The following KCNK2 variants were observed in gnomAD, a reference collection of about 807,000 sequenced individuals.
The protein encoded by KCNK2 is potassium channel subfamily K member 2.
KCNK2 carries 21 observed loss-of-function variants against 40.5 expected under a neutral mutation model. The ratio of observed to expected loss-of-function variants is 0.52; its 90% CI spans 0.37 to 0.75. The LOEUF is 0.75. Among genes scored for constraint, KCNK2 ranks in the 30% least tolerant of loss-of-function variants. KCNK2 has a pLI of 0.00. For synonymous variants in KCNK2, 191 were observed against 202.2 expected, an observed-to-expected ratio of 0.94 and a Z score of 0.47; for missense variants, 399 against 531.6, an observed-to-expected ratio of 0.75 and a Z score of 2.45.
chr1:215,098,430 C>T (rs6703032), intron 2 of KCNK2, among the ~76,000 whole-genome samples: 12,063 of 151,856 alleles, frequency 0.079, 539 homozygotes, highest in Middle Eastern at 0.14. Context: ...TTAGTTTTCA[C>T]GTGACAAGGA....
At chr1:215,197,354 T>A (rs937559760) in intron 6 of KCNK2, among the ~76,000 whole-genome samples, 1 of 152,156 alleles carries the variant, frequency 6.6e-6, no homozygotes, top group African/African-American at 2.4e-5. Context: ...AAGAAGGTGC[T>A]AGCAGGGTTG....
chr1:215,230,054 CAGAT>C (rs1666561941), intron 6 of KCNK2, among the ~76,000 whole-genome samples: 1 of 141,236 alleles, frequency 7.1e-6, no homozygotes, highest in Admixed American at 7.1e-5. Flanking sequence ...TATATACACA[CAGAT>C]ATATATATAG....
At chr1:215,148,247 T>C (rs1662523388) in intron 3 of KCNK2, among the ~76,000 whole-genome samples, 1 of 148,990 alleles carries the variant, frequency 6.7e-6, no homozygotes, top group South Asian at 2.1e-4. Context: ...ACCTGGCTAA[T>C]TTTTTTTTTC....
intron 1 of KCNK2, among the ~76,000 whole-genome samples, chr1:215,058,551 C>A (rs1027592767): frequency 1.3e-5 from 2 of 152,146 alleles, no homozygotes; most frequent in Non-Finnish European, 2.9e-5. Flanking sequence ...CTATAACGAC[C>A]TTTGTTTCCA....
intron 1 of KCNK2, among the ~76,000 whole-genome samples, chr1:215,064,331 TTG>T (rs377211894): frequency 5.3e-5 from 8 of 151,542 alleles, no homozygotes; most frequent in Middle Eastern, 6.8e-3. Flanking sequence ...GTGTTTTTGT[TTG>T]TGTGTGTGTG....
At chr1:215,171,244 T>C (rs1322603327) in intron 4 of KCNK2, among the ~76,000 whole-genome samples, 5 of 152,148 alleles carry the variant, frequency 3.3e-5, no homozygotes, top group Non-Finnish European at 7.4e-5. Flanking sequence ...CATTACACTA[T>C]AGAGATTTTT....
At chr1:215,028,388 A>G (rs1657070158) in intron 1 of KCNK2, among the ~76,000 whole-genome samples, 1 of 152,118 alleles carries the variant, frequency 6.6e-6, no homozygotes, top group South Asian at 2.1e-4. Flanking sequence ...TCCATCTCAA[A>G]AAATAAAATA....
At chr1:215,118,508 T>C (rs1211753189) in intron 2 of KCNK2, among the ~76,000 whole-genome samples, 1 of 152,176 alleles carries the variant, frequency 6.6e-6, no homozygotes, top group African/African-American at 2.4e-5. Flanking sequence ...GGATTCGTTA[T>C]CTAAAGACTA....
At chr1:215,091,283 G>T (rs1194456922) in intron 2 of KCNK2, among the ~76,000 whole-genome samples, 1 of 152,020 alleles carries the variant, frequency 6.6e-6, no homozygotes, top group African/African-American at 2.4e-5. Context: ...TGGGTGTGAG[G>T]GGCAGGGGCA....
chr1:215,137,650 T>C (rs1370901314), intron 3 of KCNK2, among the ~76,000 whole-genome samples: 5 of 152,234 alleles, frequency 3.3e-5, no homozygotes, highest in African/African-American at 1.2e-4. Context: ...TTTTCCGAGT[T>C]ATTTACTTCC....
At chr1:215,162,018 G>A (rs1663221039) in intron 3 of KCNK2, among the ~76,000 whole-genome samples, 1 of 152,158 alleles carries the variant, frequency 6.6e-6, no homozygotes, top group South Asian at 2.1e-4. Context: ...TTCCACGATG[G>A]TTGAACTAAT....
chr1:215,097,503 ATT>A (rs58919225), intron 2 of KCNK2, among the ~76,000 whole-genome samples: 1 of 151,292 alleles, frequency 6.6e-6, no homozygotes, highest in East Asian at 2.0e-4. Flanking sequence ...ATAAAGAAAA[ATT>A]TTTTTTTGGC....
chr1:215,084,188 A>G (rs1196922607), intron 1 of KCNK2, among the ~76,000 whole-genome samples: 3 of 113,654 alleles, frequency 2.6e-5, no homozygotes, highest in Non-Finnish European at 5.2e-5. Context: ...TAATGCACAC[A>G]CACACACACA....
chr1:215,176,774 T>C (rs1242312983), intron 5 of KCNK2, among the ~76,000 whole-genome samples: 1 of 152,192 alleles, frequency 6.6e-6, no homozygotes, highest in African/African-American at 2.4e-5. Flanking sequence ...GTCTTTGCTA[T>C]TGTGAATAGT....
chr1:215,056,265 G>A (rs1246098418), intron 1 of KCNK2, among the ~76,000 whole-genome samples: 3 of 138,080 alleles, frequency 2.2e-5, no homozygotes, highest in Non-Finnish European at 3.0e-5. Flanking sequence ...CCGAGATCGC[G>A]CCATTGCACT....
At chr1:215,067,211 A>G (rs187365053) in intron 1 of KCNK2, among the ~76,000 whole-genome samples, 1 of 152,318 alleles carries the variant, frequency 6.6e-6, no homozygotes, top group East Asian at 1.9e-4. Flanking sequence ...GTACTTTGAA[A>G]TATTTACTAA....
intron 1 of KCNK2, among the ~76,000 whole-genome samples, chr1:215,019,188 A>G (rs935416115): frequency 3.3e-5 from 5 of 152,192 alleles, no homozygotes; most frequent in African/African-American, 1.2e-4. Context: ...GGTCCTCTTC[A>G]AAGAACAGCT....
At chr1:215,043,991 G>A (rs1416170538) in intron 1 of KCNK2, among the ~76,000 whole-genome samples, 1 of 151,852 alleles carries the variant, frequency 6.6e-6, no homozygotes, top group Non-Finnish European at 1.5e-5. Context: ...ATCTCCAAAA[G>A]ATATAGAAAA....
intron 2 of KCNK2, among the ~76,000 whole-genome samples, chr1:215,114,903 T>A (rs1014697081): frequency 4.6e-5 from 7 of 152,112 alleles, no homozygotes; most frequent in African/African-American, 1.2e-4. Context: ...TATTGGAATG[T>A]CTTAGTATAG....
Sources: gnomAD v4.1 joint callset for allele counts (sites outside exome capture counted in the v4.1 genomes callset) on GRCh38, gnomAD v4.1.1 for gene constraint, MANE v1.5 for transcripts, NCBI Gene and HGNC (gene_info 2026-07-23, HGNC 2026-07-21) for gene names.